Variants in VWC2L observed in about 807,000 individuals in gnomAD.
VWC2L encodes von Willebrand factor C domain-containing protein 2-like.
A neutral mutation model predicts 21.6 loss-of-function variants in VWC2L; 10 were observed. The ratio of observed to expected loss-of-function variants is 0.46; its 90% confidence interval spans 0.29 to 0.78. VWC2L has a LOEUF of 0.78. VWC2L is among the 30% of genes least tolerant of loss of function. VWC2L has a pLI of 0.10. For synonymous variants in VWC2L, 96 were observed against 94.3 expected, an observed-to-expected ratio of 1.02 and a Z score of -0.10; for missense variants, 209 against 277.1, an observed-to-expected ratio of 0.75 and a Z score of 1.74.
At chr2:214,461,170 T>A (rs1703135275) in intron 3 of VWC2L, among the ~76,000 whole-genome samples, 1 of 152,190 alleles carries the variant, frequency 6.6e-6, no homozygotes, top group Non-Finnish European at 1.5e-5. Flanking sequence ...AATGTTCCTG[T>A]CCTTGGGCCC....
intron 3 of VWC2L, among the ~76,000 whole-genome samples, chr2:214,501,497 G>C (rs930863648): frequency 3.9e-5 from 6 of 152,018 alleles, no homozygotes; most frequent in African/African-American, 1.4e-4. Context: ...CCGAGGCGGT[G>C]AATCGCCTGA....
At chr2:214,561,805 T>C (rs1473762906) in intron 3 of VWC2L, among the ~76,000 whole-genome samples, 7 of 137,612 alleles carry the variant, frequency 5.1e-5, no homozygotes, top group African/African-American at 1.9e-4. Context: ...TATATATATA[T>C]ATATACACAC....
intron 2 of VWC2L, among the ~76,000 whole-genome samples, chr2:214,427,740 T>C (rs1702546250): frequency 6.6e-6 from 1 of 152,350 alleles, no homozygotes; most frequent in Admixed American, 6.5e-5. Flanking sequence ...TGGATTAGTA[T>C]TCGCATATAG....
At position 214,493,534 on chromosome 2, in the gene VWC2L, C is replaced by T. The variant is rs114342176; in HGVS notation, c.520+56776C>T. On this transcript the variant is annotated intron_variant, in intron 3 of 3. Coordinates refer to ENST00000312504, the MANE Select transcript of VWC2L (RefSeq NM_001080500.4). ...TTTGCATTCTTGTGCATGCTCCCCA[C>T]CCCCATGCATTTGTGTAGCAAAGGT... 5.6e-3 allele frequency among the ~76,000 whole-genome samples: 855 copies of T among 152,268 alleles called. 9 individuals carry two copies. Among genetic ancestry groups the T allele is most frequent in the African/African-American group, 0.02 (826 of 41,560 alleles).
At chr2:214,549,721 C>T (rs552659558) in intron 3 of VWC2L, among the ~76,000 whole-genome samples, 9 of 152,270 alleles carry the variant, frequency 5.9e-5, no homozygotes, top group Non-Finnish European at 1.0e-4. Flanking sequence ...TGCAGTGAGC[C>T]GAGATCGTGC....
intron 3 of VWC2L, among the ~76,000 whole-genome samples, chr2:214,552,727 T>C (rs908100169): frequency 1.3e-5 from 2 of 152,190 alleles, no homozygotes; most frequent in Non-Finnish European, 2.9e-5. Flanking sequence ...TCTCTCTTCA[T>C]AGGAATCCAC....
In VWC2L at chr2:214,494,756, GT is replaced by G. The variant is rs201921588; in HGVS notation, c.520+58006del. Among the ~76,000 whole-genome samples, 18 of 150,414 alleles carry G rather than the reference GT, an allele frequency of 1.2e-4. No individual in the cohort carries two copies. In the East Asian group the frequency reaches 3.5e-3, roughly 29 times the overall value. On this transcript the variant is annotated intron_variant, in intron 3 of 3. Transcript: ENST00000312504. ...CATCCTTGAAATGTTACACAACTGT[GT>G]TTTTTTTATAGCACTAGGTACTTTT... is the stretch of plus-strand genomic sequence containing the variant.
At chr2:214,535,998 T>A (rs996723016) in intron 3 of VWC2L, among the ~76,000 whole-genome samples, 2 of 152,046 alleles carry the variant, frequency 1.3e-5, no homozygotes, top group African/African-American at 2.4e-5. Context: ...TAAATTTCCT[T>A]CCACATCTCT....
Position 214,458,962 on chromosome 2 carries a change from A to G in VWC2L, c.520+22204A>G, listed in dbSNP as rs573426111. Among the ~76,000 whole-genome samples the G allele has an allele frequency of 6.6e-4, 101 of 152,238 alleles. 1 individual carries two copies. The highest frequency in any genetic ancestry group is 2.4e-3 in the African/African-American group (98 of 41,550). On this transcript the variant is annotated intron_variant, in intron 3 of 3. Transcript: ENST00000312504. ...TGGTCTAATGCGCAGTTTATATCCA[A>G]TGTGTCCTTGTTGATTTTCTGTGTA...
chr2:214,472,377 C>T (rs764240498), intron 3 of VWC2L: 4 of 152,170 alleles, frequency 2.6e-5, no homozygotes, highest in Non-Finnish European at 5.9e-5. Flanking sequence ...CAACATTTTT[C>T]ACTAGAGTCT....
At chr2:214,485,142 C>G (rs1357019721) in intron 3 of VWC2L, among the ~76,000 whole-genome samples, 1 of 151,916 alleles carries the variant, frequency 6.6e-6, no homozygotes, top group African/African-American at 2.4e-5. Context: ...CATGGTGAAA[C>G]CCCATCTCTA....
chr2:214,463,559 G>C (rs1382598420), intron 3 of VWC2L, among the ~76,000 whole-genome samples: 1 of 151,966 alleles, frequency 6.6e-6, no homozygotes, highest in Non-Finnish European at 1.5e-5. Flanking sequence ...ACCCACTTAT[G>C]TTTAATGTGA....
chr2:214,466,772 T>C (rs1195274418), intron 3 of VWC2L, among the ~76,000 whole-genome samples: 1 of 152,242 alleles, frequency 6.6e-6, no homozygotes, highest in Non-Finnish European at 1.5e-5. Context: ...AAGTTGGATT[T>C]GGTTTCTTAA....
chr2:214,566,156 C>G (rs995965685), intron 3 of VWC2L, among the ~76,000 whole-genome samples: 1 of 152,112 alleles, frequency 6.6e-6, no homozygotes, highest in Non-Finnish European at 1.5e-5. Flanking sequence ...TCATTCAAAG[C>G]AAAAACTAAG....
intron 2 of VWC2L, among the ~76,000 whole-genome samples, chr2:214,426,718 T>A (rs557085180): frequency 2.0e-5 from 3 of 152,266 alleles, no homozygotes; most frequent in African/African-American, 7.2e-5. Context: ...TTTTCTCTCA[T>A]ATCTTACCAG....
At chr2:214,444,441 T>C (rs1320252770) in intron 3 of VWC2L, among the ~76,000 whole-genome samples, 1 of 151,978 alleles carries the variant, frequency 6.6e-6, no homozygotes, top group Non-Finnish European at 1.5e-5. Flanking sequence ...TTAAAAATAA[T>C]AAGGAAACAA....
At chr2:214,441,464 T>C (rs1574566036) in intron 3 of VWC2L, among the ~76,000 whole-genome samples, 1 of 152,268 alleles carries the variant, frequency 6.6e-6, no homozygotes, top group South Asian at 2.1e-4. Context: ...CAATGGGATG[T>C]CAATTTTTTA....
Position 214,555,038 on chromosome 2 carries a change from A to G in VWC2L, c.521-20634A>G, listed in dbSNP as rs917093796. 4.6e-5 allele frequency among the ~76,000 whole-genome samples: 7 copies of G among 152,186 alleles called. No individual in the cohort carries two copies. The South Asian group carries it at 6.2e-4, about 14-fold the overall frequency. Reference sequence around the variant, plus strand: ...GTCTGATAAAAGACATTTACCATCTATTTTCTGAAGCCTAGAAGTTTTAGC... The same window carrying G: ...GTCTGATAAAAGACATTTACCATCTGTTTTCTGAAGCCTAGAAGTTTTAGC... On this transcript the variant is annotated intron_variant, in intron 3 of 3. Coordinates refer to ENST00000312504, the MANE Select transcript of VWC2L (RefSeq NM_001080500.4).
intron 3 of VWC2L, among the ~76,000 whole-genome samples, chr2:214,471,388 C>T (rs1450059498): frequency 6.6e-6 from 1 of 152,156 alleles, no homozygotes; most frequent in Non-Finnish European, 1.5e-5. Flanking sequence ...TAAAGTACAA[C>T]TGTTTTATGC....
Sources: allele counts gnomAD v4.1 joint callset (sites outside exome capture counted in the v4.1 genomes callset), GRCh38; gene constraint gnomAD v4.1.1; transcripts MANE v1.5; gene names NCBI Gene and HGNC (gene_info 2026-07-23, HGNC 2026-07-21).